Variants in KCTD1 observed in about 807,000 individuals in gnomAD.
KCTD1 encodes the protein potassium channel tetramerization domain containing 1, also known as BTB/POZ domain-containing protein KCTD1.
KCTD1 carries 24 observed loss-of-function variants against 66.0 expected under a neutral mutation model. The observed-to-expected ratio is 0.36, with a 90% CI of 0.26 to 0.51. The LOEUF is 0.51. Ranked by LOEUF, KCTD1 falls within the 20% of genes least tolerant of loss-of-function variation. The pLI, the probability that KCTD1 is intolerant of heterozygous loss-of-function variation, is 0.95. For synonymous variants in KCTD1, 511 were observed against 517.2 expected (o/e 0.99, Z 0.16); for missense variants, 943 against 1,205.2 (o/e 0.78, Z 3.22).
intron 2 of KCTD1, among the ~76,000 whole-genome samples, chr18:26,486,750 C>T (rs1981940653): frequency 6.6e-6 from 1 of 152,172 alleles, no homozygotes; most frequent in Non-Finnish European, 1.5e-5. Flanking sequence ...AATTAACTTG[C>T]ATGTCACTGC....
At chr18:26,640,776 A>G (rs2145062158), upstream of KCTD1, among the ~76,000 whole-genome samples, 1 of 152,272 alleles carries the variant, frequency 6.6e-6, no homozygotes, top group East Asian at 1.9e-4. Flanking sequence ...AGACACACGC[A>G]GGCAGAAAAA....
upstream of KCTD1, chr18:26,549,892 C>T (rs1985483299): frequency 1.5e-5 from 12 of 805,486 alleles, no homozygotes; most frequent in Non-Finnish European, 1.7e-5. Flanking sequence ...GCCCCCGGCG[C>T]GCCCAGGCTC....
chr18:26,581,391 G>A (rs1467012305), intron 1 of KCTD1: 4 of 152,246 alleles, frequency 2.6e-5, no homozygotes, highest in African/African-American at 9.7e-5. Flanking sequence ...CTAGGAAACT[G>A]GGACTATAGG....
At chr18:26,544,003 AAT>A (rs1361302446) in intron 1 of KCTD1, 11 of 152,354 alleles carry the variant, frequency 7.2e-5, no homozygotes, top group Admixed American at 5.9e-4. Flanking sequence ...ATGCAAAGAG[AAT>A]AGTTATAAGG....
chr18:26,650,548 C>T (rs8096786), intron 1 of KCTD1, among the ~76,000 whole-genome samples: 59,555 of 152,090 alleles, frequency 0.39, 12,202 homozygotes, highest in Non-Finnish European at 0.47. Flanking sequence ...CATATTATTA[C>T]CTCATTTGTA....
chr18:26,588,872 C>G (rs536816234), intron 1 of KCTD1, among the ~76,000 whole-genome samples: 23,080 of 152,038 alleles, frequency 0.15, 1,794 homozygotes, highest in East Asian at 0.26. Flanking sequence ...GAATGCAAAG[C>G]CCTAATATAT....
At chr18:26,599,010 T>C (rs878978201) in intron 1 of KCTD1, among the ~76,000 whole-genome samples, 1 of 152,202 alleles carries the variant, frequency 6.6e-6, no homozygotes, top group Middle Eastern at 3.2e-3. Flanking sequence ...AAAGTCCAAA[T>C]TGTCTATTTT....
At chr18:26,562,255 T>C (rs1408345875) in intron 1 of KCTD1, among the ~76,000 whole-genome samples, 7 of 152,192 alleles carry the variant, frequency 4.6e-5, no homozygotes, top group African/African-American at 1.7e-4. Flanking sequence ...TGTTTGTTTG[T>C]TTTTGAGATA....
chr18:26,489,334 C>T (rs993031765), intron 2 of KCTD1, among the ~76,000 whole-genome samples: 11 of 152,336 alleles, frequency 7.2e-5, no homozygotes, highest in African/African-American at 2.6e-4. Flanking sequence ...CCTAACATAG[C>T]TCACGTTTCA....
intron 1 of KCTD1, chr18:26,544,792 A>G (rs1033701069): frequency 9.9e-5 from 15 of 152,248 alleles, no homozygotes; most frequent in African/African-American, 3.1e-4. Flanking sequence ...TGAAAAGCTG[A>G]CTACTAAAAA....
chr18:26,580,699 C>T (rs1348918028), intron 1 of KCTD1, among the ~76,000 whole-genome samples: 7 of 152,202 alleles, frequency 4.6e-5, no homozygotes, highest in Admixed American at 4.6e-4. Context: ...CCATGGCCTG[C>T]AGCTAATCCG....
At chr18:26,503,697 C>T (rs1982886255) in intron 1 of KCTD1, among the ~76,000 whole-genome samples, 1 of 152,142 alleles carries the variant, frequency 6.6e-6, no homozygotes, top group South Asian at 2.1e-4. Context: ...TCTAACACTG[C>T]CAGGTCTGTA....
At chr18:26,464,927 A>T (rs1980639069) in intron 3 of KCTD1, among the ~76,000 whole-genome samples, 1 of 152,214 alleles carries the variant, frequency 6.6e-6, no homozygotes, top group South Asian at 2.1e-4. Flanking sequence ...GGTCATCATA[A>T]CAAAAGACAG....
chr18:26,596,005 A>G (rs1023955605), intron 1 of KCTD1, among the ~76,000 whole-genome samples: 3 of 152,236 alleles, frequency 2.0e-5, no homozygotes, highest in African/African-American at 7.2e-5. Flanking sequence ...CCATGATCAC[A>G]CTACTGCACT....
intron 1 of KCTD1, among the ~76,000 whole-genome samples, chr18:26,624,560 G>C (rs1598972332): frequency 6.6e-6 from 1 of 152,362 alleles, no homozygotes; most frequent in African/African-American, 2.4e-5. Flanking sequence ...TGGGTACACA[G>C]AAGTCAAGAA....
At position 26,543,683 on chromosome 18, in the gene KCTD1, CA is replaced by C. The variant is rs1985080935; in HGVS notation, c.1809+3044del. The C allele has an allele frequency of 2.0e-5, 3 of 152,238 alleles. No homozygotes were observed. In the South Asian group the frequency reaches 6.2e-4, roughly 31 times the overall value. 9.4% of individuals were successfully genotyped at this position (152,238 alleles called of 1,614,324 possible). On this transcript the variant is annotated intron_variant, in intron 1 of 4. Coordinates refer to ENST00000580059, the MANE Select transcript of KCTD1 (RefSeq NM_001142730.3). Reference sequence around the variant, plus strand: ...CAAACAGGGGATGTGTACCAGCCCCCAAAATCTTTCCACTAATAGATGTCCT... The same window carrying C: ...CAAACAGGGGATGTGTACCAGCCCCCAAATCTTTCCACTAATAGATGTCCT...
intron 4 of KCTD1, chr18:26,459,373 G>A: frequency 2.2e-6 from 1 of 446,200 alleles, no homozygotes; most frequent in Non-Finnish European, 4.0e-6. Context: ...ATAGGCGTGT[G>A]CCACCGTGCC....
intron 1 of KCTD1, among the ~76,000 whole-genome samples, chr18:26,621,286 A>T (rs768030229): frequency 9.9e-5 from 15 of 151,602 alleles, no homozygotes; most frequent in Non-Finnish European, 2.2e-4. Flanking sequence ...TGCTCCCCTA[A>T]CCTCTTGTGC....
chr18:26,601,410 A>G (rs1986897266), intron 1 of KCTD1, among the ~76,000 whole-genome samples: 1 of 150,248 alleles, frequency 6.7e-6, no homozygotes, highest in Admixed American at 6.7e-5. Flanking sequence ...GTTCTATTCC[A>G]TTAATCTATA....
Sources: allele counts gnomAD v4.1 joint callset (sites outside exome capture counted in the v4.1 genomes callset), GRCh38; gene constraint gnomAD v4.1.1; transcripts MANE v1.5; gene names NCBI Gene and HGNC (gene_info 2026-07-23, HGNC 2026-07-21).